GRM7: variants seen among roughly 807,000 people sequenced by gnomAD.
GRM7 encodes glutamate metabotropic receptor 7.
In GRM7, 35 loss-of-function variants were observed where a neutral mutation model predicts 84.5. The observed-to-expected ratio is 0.41, with a 90% CI of 0.32 to 0.55. GRM7 has a LOEUF of 0.55. Among genes scored for constraint, GRM7 ranks in the 20% least tolerant of loss-of-function variants. GRM7 has a pLI of 0.19. For synonymous variants in GRM7, 487 were observed against 455.1 expected (o/e 1.07, Z -0.89); for missense variants, 1,003 against 1,194.6 (o/e 0.84, Z 2.36).
chr3:7,309,680 T>A (rs1351646454), intron 4 of GRM7, among the ~76,000 whole-genome samples: 1 of 152,156 alleles, frequency 6.6e-6, no homozygotes, highest in Non-Finnish European at 1.5e-5. Context: ...GCTGGCAGAT[T>A]TATTGCCTCT....
At chr3:6,998,424 G>C (rs748928613) in intron 1 of GRM7, among the ~76,000 whole-genome samples, 9 of 152,132 alleles carry the variant, frequency 5.9e-5, no homozygotes, top group Non-Finnish European at 1.2e-4. Flanking sequence ...GAGTGTCTGT[G>C]ACTTTTCCAG....
chr3:7,683,631 C>T (rs545381091), intron 9 of GRM7, among the ~76,000 whole-genome samples: 2 of 152,306 alleles, frequency 1.3e-5, no homozygotes, highest in South Asian at 2.1e-4. Context: ...GTACTTTCTG[C>T]AGTGACGATC....
chr3:6,996,197 C>A (rs938243553), intron 1 of GRM7, among the ~76,000 whole-genome samples: 6 of 151,924 alleles, frequency 3.9e-5, no homozygotes, highest in Non-Finnish European at 5.9e-5. Flanking sequence ...TACAGGCGCC[C>A]GCCACCAAGC....
rs530538879 is a variant in GRM7 at position 7,112,228 on chromosome 3, G to T, written c.520-34224G>T. On this transcript the variant is annotated intron_variant, in intron 1 of 9. Transcript: ENST00000357716. ...AGTCTATTGAGTTTTCATATTTTAT[G>T]ATTTTTTTTTTTTTGAGACAGAGTC... is the stretch of plus-strand genomic sequence containing the variant. Among the ~76,000 whole-genome samples, 465 of 106,950 alleles carry T rather than the reference G, an allele frequency of 4.3e-3. 2 individuals carry two copies. Among genetic ancestry groups the T allele is most frequent in the African/African-American group, 0.024 (438 of 18,332 alleles). 70.2% of individuals were successfully genotyped at this position (106,950 alleles called of 152,430 possible). A position where few individuals can be genotyped will look rare whatever the true frequency, so the allele number is the denominator to read the frequency against.
intron 2 of GRM7, among the ~76,000 whole-genome samples, chr3:7,288,193 A>G (rs1398485754): frequency 1.3e-5 from 2 of 152,152 alleles, no homozygotes; most frequent in African/African-American, 2.4e-5. Context: ...AGGAAGATGT[A>G]TTTGTTTCAC....
At chr3:7,491,703 G>A (rs2124951189) in intron 7 of GRM7, among the ~76,000 whole-genome samples, 1 of 152,280 alleles carries the variant, frequency 6.6e-6, no homozygotes, top group Non-Finnish European at 1.5e-5. Context: ...CACAACAGCT[G>A]TACGTCCGTA....
intron 4 of GRM7, among the ~76,000 whole-genome samples, chr3:7,366,040 C>T (rs913283980): frequency 6.6e-6 from 1 of 151,594 alleles, no homozygotes; most frequent in Non-Finnish European, 1.5e-5. Flanking sequence ...TTTTTCCATT[C>T]CTACTTTTGT....
intron 7 of GRM7, among the ~76,000 whole-genome samples, chr3:7,468,792 C>G (rs1209389685): frequency 6.6e-6 from 1 of 152,104 alleles, no homozygotes; most frequent in Non-Finnish European, 1.5e-5. Flanking sequence ...TCTGGCATTT[C>G]CACTGCTTTC....
intron 8 of GRM7, among the ~76,000 whole-genome samples, chr3:7,602,869 G>A (rs1207803859): frequency 6.6e-6 from 1 of 152,100 alleles, no homozygotes; most frequent in Non-Finnish European, 1.5e-5. Context: ...AATTATTTTA[G>A]CCATTTACAC....
At chr3:7,693,788 A>C (rs894157571) in intron 9 of GRM7, 4 of 705,992 alleles carry the variant, frequency 5.7e-6, no homozygotes, top group African/African-American at 1.7e-5. Flanking sequence ...TCCTGTTTGC[A>C]TGAGTTTAGT....
At chr3:7,555,931 T>G (rs973760406) in intron 7 of GRM7, among the ~76,000 whole-genome samples, 1 of 152,168 alleles carries the variant, frequency 6.6e-6, no homozygotes, top group Non-Finnish European at 1.5e-5. Flanking sequence ...TAAAACTTAT[T>G]TTTTAACTTT....
chr3:7,586,641 C>T (rs568645986), intron 8 of GRM7, among the ~76,000 whole-genome samples: 10 of 152,246 alleles, frequency 6.6e-5, no homozygotes, highest in Non-Finnish European at 7.4e-5. Flanking sequence ...AATCCTGTCT[C>T]TACCTAAAAT....
At chr3:7,400,064 A>T (rs997142645) in intron 4 of GRM7, among the ~76,000 whole-genome samples, 1 of 152,164 alleles carries the variant, frequency 6.6e-6, no homozygotes, top group African/African-American at 2.4e-5. Context: ...TATTTGCAAC[A>T]TCTCTTTACT....
chr3:7,141,920 A>G (rs1338134635), intron 1 of GRM7, among the ~76,000 whole-genome samples: 1 of 152,166 alleles, frequency 6.6e-6, no homozygotes, highest in Non-Finnish European at 1.5e-5. Flanking sequence ...TTAAAAGTCC[A>G]AAGTAATTTC....
chr3:7,076,438 A>G (rs1419253051), intron 1 of GRM7, among the ~76,000 whole-genome samples: 3 of 152,112 alleles, frequency 2.0e-5, no homozygotes, highest in Admixed American at 6.6e-5. Flanking sequence ...TAATGTGTTT[A>G]TAAGTGGAAG....
chr3:7,010,608 A>G (rs1306978121), intron 1 of GRM7, among the ~76,000 whole-genome samples: 1 of 152,244 alleles, frequency 6.6e-6, no homozygotes, highest in African/African-American at 2.4e-5. Context: ...TGAAGATGGG[A>G]GATCAAGGCT....
intron 7 of GRM7, among the ~76,000 whole-genome samples, chr3:7,576,108 G>A (rs1213304572): frequency 6.6e-6 from 1 of 152,150 alleles, no homozygotes; most frequent in South Asian, 2.1e-4. Flanking sequence ...GTAGCCATGA[G>A]TAAGACCTTT....
intron 1 of GRM7, among the ~76,000 whole-genome samples, chr3:6,983,996 CT>C (rs1236016561): frequency 6.6e-6 from 1 of 152,178 alleles, no homozygotes; most frequent in East Asian, 1.9e-4. Flanking sequence ...AAACAAAGAG[CT>C]TATGCCAGGC....
intron 5 of GRM7, among the ~76,000 whole-genome samples, chr3:7,446,482 A>G (rs1462213030): frequency 3.3e-5 from 4 of 122,066 alleles, no homozygotes; most frequent in African/African-American, 1.3e-4. Context: ...TTTTTTTGAG[A>G]CGGAGTCTCA....
Sources: gnomAD v4.1 joint callset for allele counts (sites outside exome capture counted in the v4.1 genomes callset) on GRCh38, gnomAD v4.1.1 for gene constraint, MANE v1.5 for transcripts, NCBI Gene and HGNC (gene_info 2026-07-23, HGNC 2026-07-21) for gene names.